CNTNAP5: variants seen among roughly 807,000 people sequenced by gnomAD.
CNTNAP5 encodes the protein contactin-associated protein-like 5.
Under a neutral mutation model 150.2 loss-of-function variants are expected in CNTNAP5, and 72 were observed. That is an observed-to-expected ratio of 0.48 (90% CI 0.40 to 0.58). CNTNAP5 has a LOEUF of 0.58. CNTNAP5 is among the 20% of genes least tolerant of loss of function. The pLI, the probability that CNTNAP5 is intolerant of heterozygous loss-of-function variation, is 0.00. For synonymous variants in CNTNAP5, 672 were observed against 619.8 expected (o/e 1.08, Z -1.25); for missense variants, 1,636 against 1,626.2 (o/e 1.01, Z -0.10).
At chr2:124,327,084 G>A (rs145810156) in intron 3 of CNTNAP5, among the ~76,000 whole-genome samples, 7,223 of 148,706 alleles carry the variant, frequency 0.049, 257 homozygotes, top group Non-Finnish European at 0.076. Context: ...GGGTTCAAGC[G>A]ATTCTCCTGC....
chr2:124,223,634 A>G (rs921002575), intron 2 of CNTNAP5, among the ~76,000 whole-genome samples: 4 of 151,880 alleles, frequency 2.6e-5, no homozygotes, highest in Non-Finnish European at 5.9e-5. Flanking sequence ...ACTGCCTAAT[A>G]GCTCCTGAGC....
intron 2 of CNTNAP5, among the ~76,000 whole-genome samples, chr2:124,237,763 T>C (rs1247789813): frequency 6.6e-6 from 1 of 151,846 alleles, no homozygotes; most frequent in African/African-American, 2.4e-5. Flanking sequence ...CGTCAACCCA[T>C]GAGGCAGAGG....
intron 3 of CNTNAP5, among the ~76,000 whole-genome samples, chr2:124,344,254 A>G: frequency 6.6e-6 from 1 of 152,106 alleles, no homozygotes; most frequent in Non-Finnish European, 1.5e-5. Flanking sequence ...TCATCCCAAT[A>G]TTTCCAAAAG....
At chr2:124,270,993 TAG>T (rs1687735573) in intron 3 of CNTNAP5, among the ~76,000 whole-genome samples, 1 of 152,062 alleles carries the variant, frequency 6.6e-6, no homozygotes, top group South Asian at 2.1e-4. Flanking sequence ...GATTTTTTTA[TAG>T]AGAGATGTCG....
chr2:124,297,874 T>C (rs2699384), intron 3 of CNTNAP5, among the ~76,000 whole-genome samples: 1 of 150,496 alleles, frequency 6.6e-6, no homozygotes, highest in African/African-American at 2.4e-5. Flanking sequence ...AAATGGAGTC[T>C]CACTCTGTTG....
rs1376173327 is a variant in CNTNAP5 at position 124,797,454 on chromosome 2, A to G, written c.2993-642A>G. On this transcript the variant is annotated intron_variant, in intron 18 of 23. Coordinates refer to ENST00000682447, the MANE Select transcript of CNTNAP5 (RefSeq NM_001367498.1). Reference sequence around the variant, plus strand: ...GCCTATTTACCCAAGTCTTGGCTATATTTTGGAACTGAGTACCAATGCCTA... The same window carrying G: ...GCCTATTTACCCAAGTCTTGGCTATGTTTTGGAACTGAGTACCAATGCCTA... 2.0e-5 allele frequency among the ~76,000 whole-genome samples: 3 copies of G among 152,362 alleles called. No individual in the cohort carries two copies. In the South Asian group the frequency reaches 6.2e-4, roughly 32 times the overall value.
intron 19 of CNTNAP5, among the ~76,000 whole-genome samples, chr2:124,836,557 C>G (rs890032780): frequency 4.6e-5 from 7 of 152,122 alleles, no homozygotes; most frequent in Admixed American, 4.6e-4. Flanking sequence ...CTATCATGCT[C>G]CCTCCTGCCC....
At chr2:124,885,092 G>A (rs1678051414) in intron 21 of CNTNAP5, among the ~76,000 whole-genome samples, 1 of 151,940 alleles carries the variant, frequency 6.6e-6, no homozygotes, top group South Asian at 2.1e-4. Context: ...AGTTATGGAG[G>A]CCAGGTATGA....
intron 13 of CNTNAP5, among the ~76,000 whole-genome samples, chr2:124,648,852 G>A (rs573096251): frequency 4.8e-4 from 73 of 152,270 alleles, no homozygotes; most frequent in Non-Finnish European, 9.4e-4. Context: ...ATAATCTCTA[G>A]CCTCAAGAAA....
At chr2:124,144,031 T>G (rs561599132) in intron 1 of CNTNAP5, among the ~76,000 whole-genome samples, 2 of 151,210 alleles carry the variant, frequency 1.3e-5, no homozygotes, top group Non-Finnish European at 2.9e-5. Flanking sequence ...ATGAGTGAAC[T>G]CCCATTCACA....
intron 10 of CNTNAP5, among the ~76,000 whole-genome samples, chr2:124,545,402 A>C (rs1504008): frequency 0.2 from 29,951 of 152,018 alleles, 3,923 homozygotes; most frequent in East Asian, 0.63. Flanking sequence ...TTCTGTGACT[A>C]TTCTTGTCCT....
At chr2:124,405,636 A>G (rs2104763012) in intron 3 of CNTNAP5, among the ~76,000 whole-genome samples, 1 of 152,342 alleles carries the variant, frequency 6.6e-6, no homozygotes, top group South Asian at 2.1e-4. Context: ...ACTTCACAAG[A>G]ATACTGTGAT....
chr2:124,782,875 T>G (rs2104622561), intron 17 of CNTNAP5, among the ~76,000 whole-genome samples: 1 of 152,248 alleles, frequency 6.6e-6, no homozygotes, highest in Middle Eastern at 3.4e-3. Context: ...GGCAGCACTA[T>G]TCAAAATAGC....
At chr2:124,455,725 G>A (rs1021410165) in intron 6 of CNTNAP5, among the ~76,000 whole-genome samples, 2 of 152,124 alleles carry the variant, frequency 1.3e-5, no homozygotes, top group African/African-American at 4.8e-5. Context: ...CCATGATCAA[G>A]TGGGATTCAT....
At chr2:124,183,181 A>G (rs571655369) in intron 1 of CNTNAP5, among the ~76,000 whole-genome samples, 1 of 152,270 alleles carries the variant, frequency 6.6e-6, no homozygotes, top group African/African-American at 2.4e-5. Context: ...GGCTATAGTG[A>G]CTGGCATTTA....
chr2:124,622,721 TCA>T (rs1677644165), intron 12 of CNTNAP5, among the ~76,000 whole-genome samples: 1 of 151,918 alleles, frequency 6.6e-6, no homozygotes, highest in Non-Finnish European at 1.5e-5. Context: ...CCACACACAC[TCA>T]CACACACACT....
intron 12 of CNTNAP5, among the ~76,000 whole-genome samples, chr2:124,636,105 A>C (rs1677963715): frequency 6.6e-6 from 1 of 152,170 alleles, no homozygotes; most frequent in African/African-American, 2.4e-5. Context: ...TATGCTTGTA[A>C]TTGAAAAACA....
At chr2:124,168,440 TCACC>T (rs2104659669) in intron 1 of CNTNAP5, among the ~76,000 whole-genome samples, 1 of 152,320 alleles carries the variant, frequency 6.6e-6, no homozygotes, top group Admixed American at 6.5e-5. Flanking sequence ...CAATGTCCCT[TCACC>T]CAAATGACTC....
Position 124,549,244 on chromosome 2 carries a change from C to T in CNTNAP5, c.1650-13973C>T, listed in dbSNP as rs996960368. On this transcript the variant is annotated intron_variant, in intron 10 of 23. Coordinates refer to ENST00000682447, the MANE Select transcript of CNTNAP5 (RefSeq NM_001367498.1). ...CCACGGCAGCCACTATAGCAGTAAG[C>T]GCCAAGCTTGGACAGTGGTAGTCTC... Among the ~76,000 whole-genome samples the T allele has an allele frequency of 2.6e-5, 4 of 152,174 alleles. No homozygotes were observed. The South Asian group carries it at 6.2e-4, about 24-fold the overall frequency.
Sources: allele counts gnomAD v4.1 joint callset (sites outside exome capture counted in the v4.1 genomes callset), GRCh38; gene constraint gnomAD v4.1.1; transcripts MANE v1.5; gene names NCBI Gene and HGNC (gene_info 2026-07-23, HGNC 2026-07-21).